The following LIMD1 variants were observed in gnomAD, a reference collection of about 807,000 sequenced individuals.
LIMD1 encodes LIM domain containing 1, also known as LIM domain-containing protein 1.
In LIMD1, 23 loss-of-function variants were observed where a neutral mutation model predicts 58.4. The observed-to-expected ratio is 0.39, with a 90% CI of 0.28 to 0.56. The LOEUF is 0.56. Among genes scored for constraint, LIMD1 ranks in the 20% least tolerant of loss-of-function variants. LIMD1 has a pLI of 0.57. For synonymous variants in LIMD1, 334 were observed against 345.5 expected (o/e 0.97, Z 0.37); for missense variants, 838 against 855.5 (o/e 0.98, Z 0.25).
At chr3:45,625,749 C>T (rs1261796996) in intron 1 of LIMD1, among the ~76,000 whole-genome samples, 1 of 152,152 alleles carries the variant, frequency 6.6e-6, no homozygotes, top group African/African-American at 2.4e-5. Context: ...TTCACCCTTC[C>T]ATGATGCAGT....
At chr3:45,676,307 G>T (rs1697671352) in intron 7 of LIMD1, among the ~76,000 whole-genome samples, 1 of 151,068 alleles carries the variant, frequency 6.6e-6, no homozygotes, top group East Asian at 1.9e-4. Flanking sequence ...TTACCCATGA[G>T]ATTTTTTTTG....
At chr3:45,657,357 T>TTGA (rs1425764911) in intron 2 of LIMD1, among the ~76,000 whole-genome samples, 1 of 152,056 alleles carries the variant, frequency 6.6e-6, no homozygotes, top group Middle Eastern at 3.2e-3. Context: ...TAGAAAGTGT[T>TTGA]TGAATGAAAA....
At chr3:45,647,669 G>A (rs1274027986) in intron 2 of LIMD1, among the ~76,000 whole-genome samples, 1 of 152,160 alleles carries the variant, frequency 6.6e-6, no homozygotes, top group Non-Finnish European at 1.5e-5. Context: ...CTGGTCTCTG[G>A]GCACAGCAGC....
At position 45,675,823 on chromosome 3, in the gene LIMD1, A is replaced by G. The variant is rs536169254; in HGVS notation, c.1894-1099A>G. ...GGAGTTTGAGAACAGCATGGACAAC[A>G]CAGTGAGACCCTGTCTCTACTAAAA... On this transcript the variant is annotated intron_variant, in intron 7 of 7. Transcript: ENST00000273317. Among the ~76,000 whole-genome samples, 8 of 152,324 alleles carry G rather than the reference A, an allele frequency of 5.3e-5. No individual in the cohort carries two copies. In the East Asian group the frequency reaches 1.5e-3, roughly 29 times the overall value.
intron 1 of LIMD1, among the ~76,000 whole-genome samples, chr3:45,627,706 C>CAAAA (rs35897504): frequency 1.0e-5 from 1 of 97,200 alleles, no homozygotes; most frequent in Admixed American, 1.2e-4. Context: ...CTAAAACAAC[C>CAAAA]AAAAAAAAAA....
At position 45,685,075 on chromosome 3, in the gene LIMD1, C is replaced by T. The variant is rs953808871; in HGVS notation, c.*8016C>T. On this transcript the variant is annotated 3_prime_UTR_variant, in exon 8 of 8. Transcript: ENST00000273317. ...TGTAGAGATTATTTGGATGTGCCAA[C>T]AAGCTTCATCTGCAGCTTGGACTGT... 6.6e-6 allele frequency: 1 copy of T among 152,192 alleles called. No homozygotes were observed. Among genetic ancestry groups the T allele is most frequent in the African/African-American group, 2.4e-5 (1 of 41,432 alleles). The allele number at this position is 152,192 out of a possible 1,614,324, so 9.4% of individuals were successfully genotyped here. A position where few individuals can be genotyped will look rare whatever the true frequency, so the allele number is the denominator to read the frequency against.
chr3:45,672,895 C>G, intron 5 of LIMD1, 75 bp downstream of exon 5: 1 of 1,562,702 alleles, frequency 6.4e-7, no homozygotes, highest in South Asian at 1.1e-5. Flanking sequence ...TGGTGGAAAC[C>G]GACAAAACTG....
chr3:45,632,660 C>T, intron 1 of LIMD1: 2 of 515,898 alleles, frequency 3.9e-6, no homozygotes, highest in Non-Finnish European at 5.0e-6. Flanking sequence ...TAAGACATGG[C>T]CCTTATTCTG....
At position 45,595,677 on chromosome 3, in the gene LIMD1, C is replaced by G. The variant is rs760268161; in HGVS notation, c.798C>G (p.Ala266=). The change falls in exon 1 of 8, where the codon GCC becomes GCG. Residue 266 remains alanine, a synonymous_variant. Coordinates refer to ENST00000273317, the MANE Select transcript of LIMD1 (RefSeq NM_014240.3). The part of the protein sequence containing the change: ...SEKPTGLWST[A]SSQRVSPGLP... ...AGCCAACAGGCCTTTGGTCCACTGC[C>G]TCCTCCCAGCGGGTGAGCCCTGGCC... is the stretch of plus-strand genomic sequence containing the variant. 15 of 1,614,192 alleles carry G rather than the reference C, an allele frequency of 9.3e-6. No individual in the cohort carries two copies. The East Asian group carries it at 2.9e-4, about 31-fold the overall frequency.
chr3:45,619,691 C>T (rs531332403), intron 1 of LIMD1, among the ~76,000 whole-genome samples: 124 of 152,042 alleles, frequency 8.2e-4, no homozygotes, highest in Non-Finnish European at 1.2e-3. Flanking sequence ...CCCAACTACT[C>T]GGGAGACTGA....
At chr3:45,654,717 C>A (rs1463390254) in intron 2 of LIMD1, among the ~76,000 whole-genome samples, 1 of 150,436 alleles carries the variant, frequency 6.6e-6, no homozygotes, top group Non-Finnish European at 1.5e-5. Context: ...ACGTGTGTTC[C>A]CAGCTACTCA....
At position 45,611,006 on chromosome 3, in the gene LIMD1, A is replaced by G. The variant is rs963735788; in HGVS notation, c.1408+14719A>G. 3.4e-4 allele frequency among the ~76,000 whole-genome samples: 51 copies of G among 152,236 alleles called. 1 individual carries two copies. Among genetic ancestry groups the G allele is most frequent in the Non-Finnish European group, 1.3e-4 (9 of 68,056 alleles). Reference sequence around the variant, plus strand: ...CCTAAGTATGGATACTTGAAAATGTAAAATCGCACGTGGCTTGCATATTTT... The same window carrying G: ...CCTAAGTATGGATACTTGAAAATGTGAAATCGCACGTGGCTTGCATATTTT... On this transcript the variant is annotated intron_variant, in intron 1 of 7. Transcript: ENST00000273317.
chr3:45,668,230 T>C, intron 3 of LIMD1, 64 bp from the exon 4 acceptor site: 1 of 1,264,672 alleles, frequency 7.9e-7, no homozygotes, highest in Non-Finnish European at 1.1e-6. Flanking sequence ...CTCTTGGCTG[T>C]TGGGGAAGTG....
At chr3:45,659,516 A>G (rs1486668459) in intron 2 of LIMD1, among the ~76,000 whole-genome samples, 1 of 152,100 alleles carries the variant, frequency 6.6e-6, no homozygotes, top group African/African-American at 2.4e-5. Context: ...TGAGCCTGGG[A>G]GGCTGAGGCT....
At chr3:45,605,451 C>T (rs947262605) in intron 1 of LIMD1, among the ~76,000 whole-genome samples, 19 of 152,166 alleles carry the variant, frequency 1.2e-4, no homozygotes, top group Middle Eastern at 3.2e-3. Context: ...ACTCATGTAC[C>T]TTCCATTCTT....
intron 2 of LIMD1, among the ~76,000 whole-genome samples, chr3:45,639,931 G>A (rs1701825569): frequency 6.6e-6 from 1 of 152,240 alleles, no homozygotes; most frequent in African/African-American, 2.4e-5. Context: ...CCAAAATGCT[G>A]GGATTACAGG....
chr3:45,634,165 T>TA (rs1312367007), intron 1 of LIMD1, among the ~76,000 whole-genome samples: 3 of 152,210 alleles, frequency 2.0e-5, no homozygotes, highest in Non-Finnish European at 2.9e-5. Context: ...TGCTGTCTTA[T>TA]AAAAAACTAC....
Position 45,685,342 on chromosome 3 carries a change from T to A in LIMD1, c.*8283T>A, listed in dbSNP as rs1697797716. 6.6e-6 allele frequency: 1 copy of A among 152,208 alleles called. No individual in the cohort carries two copies. The highest frequency in any genetic ancestry group is 6.5e-5 in the Admixed American group (1 of 15,278). 9.4% of individuals were successfully genotyped at this position (152,208 alleles called of 1,614,324 possible). A position where few individuals can be genotyped will look rare whatever the true frequency, so the allele number is the denominator to read the frequency against. ...ACTGAATGTCACAAAGGCCTTGGTT[T>A]ATGGTTCCCAACTGGTAAAGAAACG... On this transcript the variant is annotated 3_prime_UTR_variant, in exon 8 of 8. Coordinates refer to ENST00000273317, the MANE Select transcript of LIMD1 (RefSeq NM_014240.3).
chr3:45,665,778 TG>T, intron 3 of LIMD1, 61 bp downstream of exon 3: 6 of 1,384,204 alleles, frequency 4.3e-6, no homozygotes, highest in Non-Finnish European at 4.1e-6. Flanking sequence ...GGCAGGGGCC[TG>T]GGGGGACCTG....
Sources: allele counts gnomAD v4.1 joint callset (sites outside exome capture counted in the v4.1 genomes callset), GRCh38; gene constraint gnomAD v4.1.1; transcripts MANE v1.5; gene names NCBI Gene and HGNC (gene_info 2026-07-23, HGNC 2026-07-21).